The following C4orf51 variants were observed in gnomAD, a reference collection of about 807,000 sequenced individuals.
The protein encoded by C4orf51 is chromosome 4 open reading frame 51, also known as uncharacterized protein C4orf51.
C4orf51 carries 25 observed loss-of-function variants against 25.2 expected under a neutral mutation model. The ratio of observed to expected loss-of-function variants is 0.99; its 90% CI spans 0.72 to 1.39. The LOEUF (loss-of-function observed/expected upper bound fraction) is 1.39, where lower values mean the gene tolerates loss of function less well. Among genes scored for constraint, C4orf51 ranks in the 40% most tolerant of loss-of-function variants. C4orf51 has a pLI of 0.00. For synonymous variants in C4orf51, 100 were observed against 84.5 expected (o/e 1.18, Z -1.01); for missense variants, 252 against 239.6 (o/e 1.05, Z -0.34).
At chr4:145,735,343 C>T (rs1445438001), downstream of C4orf51, among the ~76,000 whole-genome samples, 5 of 152,126 alleles carry the variant, frequency 3.3e-5, no homozygotes, top group East Asian at 9.6e-4. Context: ...ACCCAGAGAG[C>T]CACCCAGGCA....
chr4:145,698,854 G>A (rs112709009), intron 2 of C4orf51, among the ~76,000 whole-genome samples: 16 of 152,234 alleles, frequency 1.1e-4, no homozygotes, highest in South Asian at 4.2e-4. Context: ...CCAAGCCATC[G>A]CATCCCCTGT....
At chr4:145,732,991 C>T (rs1210967542), downstream of C4orf51, among the ~76,000 whole-genome samples, 1 of 152,196 alleles carries the variant, frequency 6.6e-6, no homozygotes. Flanking sequence ...GGTTTTCCTC[C>T]GCGCAAGGCG....
At chr4:145,706,972 C>T (rs544133170) in intron 2 of C4orf51, among the ~76,000 whole-genome samples, 7 of 152,072 alleles carry the variant, frequency 4.6e-5, no homozygotes, top group Admixed American at 6.5e-5. Flanking sequence ...CGACCACGCC[C>T]GGCTAATTTA....
At chr4:145,694,812 ACTTAT>A (rs1419196822) in intron 1 of C4orf51, among the ~76,000 whole-genome samples, 2 of 151,952 alleles carry the variant, frequency 1.3e-5, no homozygotes, top group Non-Finnish European at 2.9e-5. Flanking sequence ...CATTCATAGC[ACTTAT>A]CTTATTTTGA....
the C4orf51 span, among the ~76,000 whole-genome samples, chr4:145,787,205 C>T: frequency 6.6e-6 from 1 of 152,212 alleles, no homozygotes; most frequent in Non-Finnish European, 1.5e-5. Context: ...TGGCTCAGGC[C>T]TGTAATCCCG....
downstream of C4orf51, chr4:145,758,078 T>C (rs1474741127): frequency 2.6e-5 from 4 of 152,298 alleles, no homozygotes; most frequent in African/African-American, 9.6e-5. Context: ...GGGTGGAGTC[T>C]GAAAAATGCT....
chr4:145,732,429 GACA>G, intron 5 of C4orf51, 21 bp from the exon 6 acceptor site: 1 of 1,531,248 alleles, frequency 6.5e-7, no homozygotes, highest in Non-Finnish European at 9.0e-7. Flanking sequence ...AGCGAGTGTT[GACA>G]ACCAGGCCAT....
intron 1 of C4orf51, among the ~76,000 whole-genome samples, chr4:145,752,498 T>C (rs1401560942): frequency 6.6e-6 from 1 of 152,210 alleles, no homozygotes; most frequent in Non-Finnish European, 1.5e-5. Context: ...CCTGTGCTAC[T>C]GTGGCTGAAC....
chr4:145,710,090 C>T (rs1024368753), intron 2 of C4orf51, among the ~76,000 whole-genome samples: 3 of 152,188 alleles, frequency 2.0e-5, no homozygotes, highest in Non-Finnish European at 4.4e-5. Context: ...TGAGTCACAG[C>T]ACCAAAGTAT....
chr4:145,704,225 C>G (rs1730651815), intron 2 of C4orf51, among the ~76,000 whole-genome samples: 1 of 152,154 alleles, frequency 6.6e-6, no homozygotes, highest in Non-Finnish European at 1.5e-5. Flanking sequence ...GTCAGTTCAT[C>G]TGTCAGTATT....
downstream of C4orf51, among the ~76,000 whole-genome samples, chr4:145,735,267 C>T (rs556482854): frequency 3.3e-5 from 5 of 152,210 alleles, no homozygotes; most frequent in African/African-American, 1.2e-4. Flanking sequence ...GTAGGGTTTC[C>T]GAGGTGCCAT....
chr4:145,740,088 C>T (rs546911206), intron 1 of C4orf51, among the ~76,000 whole-genome samples: 1 of 152,104 alleles, frequency 6.6e-6, no homozygotes, highest in Admixed American at 6.5e-5. Context: ...TCACGTGGAT[C>T]TTCAAGGGAG....
chr4:145,738,547 T>G (rs1270797715), intron 1 of C4orf51, among the ~76,000 whole-genome samples: 2 of 152,010 alleles, frequency 1.3e-5, no homozygotes, highest in African/African-American at 2.4e-5. Context: ...TTAATTATAT[T>G]TTTTTTCTGT....
the C4orf51 span, among the ~76,000 whole-genome samples, chr4:145,782,936 A>G: frequency 6.6e-6 from 1 of 152,192 alleles, no homozygotes; most frequent in African/African-American, 2.4e-5. Context: ...CTCAGATTTT[A>G]TCTCCTTGGT....
rs1553961675 is a variant in C4orf51, at chr4:145,687,002, T to TTG, written c.233+6566_233+6567insTG. On this transcript the variant is annotated intron_variant, in intron 1 of 5. Transcript: ENST00000438731. ...CCCTTTCAGAAGACATTGGATCTTG[T>TTG]GGGGGGGGCGGTTTCCTTCTACCCC... is the stretch of plus-strand genomic sequence containing the variant. Among the ~76,000 whole-genome samples the TTG allele has an allele frequency of 4.0e-5, 5 of 123,520 alleles. No homozygotes were observed. The South Asian group carries it at 1.1e-3, about 27-fold the overall frequency. The allele number at this position is 123,520 out of a possible 152,430, so 81.0% of individuals were successfully genotyped here. A position where few individuals can be genotyped will look rare whatever the true frequency, so the allele number is the denominator to read the frequency against.
chr4:145,711,571 C>T (rs188655277), intron 2 of C4orf51, among the ~76,000 whole-genome samples: 1 of 152,168 alleles, frequency 6.6e-6, no homozygotes, highest in African/African-American at 2.4e-5. Context: ...TGATAGTGTT[C>T]CCCAAATCCC....
At chr4:145,748,953 C>T (rs1733525985) in intron 1 of C4orf51, among the ~76,000 whole-genome samples, 1 of 151,666 alleles carries the variant, frequency 6.6e-6, no homozygotes, top group South Asian at 2.1e-4. Context: ...ATATCCAACG[C>T]TGAAGGTGGG....
intron 1 of C4orf51, among the ~76,000 whole-genome samples, chr4:145,753,845 A>T (rs1733808174): frequency 6.6e-6 from 1 of 152,216 alleles, no homozygotes; most frequent in South Asian, 2.1e-4. Flanking sequence ...CTCCCTAAAA[A>T]GTCCTAGAAG....
chr4:145,748,053 A>T (rs907140142), intron 1 of C4orf51, among the ~76,000 whole-genome samples: 2 of 151,948 alleles, frequency 1.3e-5, no homozygotes, highest in African/African-American at 4.8e-5. Context: ...GTTACATGTT[A>T]CTAGTCAAAT....
Sources: allele counts gnomAD v4.1 joint callset (sites outside exome capture counted in the v4.1 genomes callset), GRCh38; gene constraint gnomAD v4.1.1; transcripts MANE v1.5; gene names NCBI Gene and HGNC (gene_info 2026-07-23, HGNC 2026-07-21).